The following ARHGAP10 variants were observed in gnomAD, a reference collection of about 807,000 sequenced individuals.
The protein encoded by ARHGAP10 is Rho GTPase activating protein 10, also known as rho GTPase-activating protein 10.
A neutral mutation model predicts 108.6 loss-of-function variants in ARHGAP10; 87 were observed. The ratio of observed to expected loss-of-function variants is 0.80; its 90% CI spans 0.67 to 0.96. The LOEUF (loss-of-function observed/expected upper bound fraction) is 0.96, where lower values mean the gene tolerates loss of function less well. Among genes scored for constraint, ARHGAP10 ranks in the 40% least tolerant of loss-of-function variants. The pLI is 0.00. For missense variants in ARHGAP10, 939 were observed against 954.5 expected (o/e 0.98, Z 0.21); for synonymous variants, 347 against 341.1 (o/e 1.02, Z -0.19).
In ARHGAP10 at chr4:147,866,798, A is replaced by G; in HGVS notation, c.684A>G (p.Leu228=). 6.2e-7 allele frequency: 1 copy of G among 1,609,844 alleles called. No individual in the cohort carries two copies. Among genetic ancestry groups the G allele is most frequent in the Non-Finnish European group, 8.5e-7 (1 of 1,176,262 alleles). The change falls in exon 7 of 23, where the codon CTA becomes CTG. Residue 228 remains leucine (L), a synonymous_variant. Coordinates refer to ENST00000336498, the MANE Select transcript of ARHGAP10 (RefSeq NM_024605.4). ...ACTTCAATCACTACAAAATGGAACTACAGATCAACATTCAGAATGTAAGGA... is the reference window on the plus strand; with the variant it reads ...ACTTCAATCACTACAAAATGGAACTGCAGATCAACATTCAGAATGTAAGGA... ...AKDFNHYKME[L]QINIQNTRNR...
chr4:147,971,085 C>A (rs1411546616), intron 18 of ARHGAP10, among the ~76,000 whole-genome samples: 1 of 129,054 alleles, frequency 7.7e-6, no homozygotes, highest in Non-Finnish European at 1.6e-5. Context: ...AAGAGCGAGA[C>A]TCTGTCTCAA....
intron 18 of ARHGAP10, among the ~76,000 whole-genome samples, chr4:148,019,578 C>A (rs989259284): frequency 2.0e-5 from 3 of 151,916 alleles, no homozygotes; most frequent in African/African-American, 7.3e-5. Context: ...GGTGAAACCC[C>A]ATCTCTACTA....
intron 10 of ARHGAP10, among the ~76,000 whole-genome samples, chr4:147,889,989 T>A (rs539163852): frequency 6.6e-6 from 1 of 152,332 alleles, no homozygotes; most frequent in African/African-American, 2.4e-5. Context: ...ATAGTTTACT[T>A]TTATCAGTCA....
intron 7 of ARHGAP10, among the ~76,000 whole-genome samples, chr4:147,870,928 C>CTGTG (rs57348496): frequency 0.036 from 4,991 of 138,870 alleles, 149 homozygotes; most frequent in African/African-American, 0.088. Context: ...AAACTACAGA[C>CTGTG]TGTGTGTGTG....
At chr4:147,762,455 CAA>C (rs1357548224) in intron 1 of ARHGAP10, among the ~76,000 whole-genome samples, 13 of 152,006 alleles carry the variant, frequency 8.6e-5, no homozygotes, top group African/African-American at 2.7e-4. Context: ...AAAAGGAAAA[CAA>C]GAGTTGATTG....
intron 7 of ARHGAP10, among the ~76,000 whole-genome samples, chr4:147,867,587 C>G (rs61479941): frequency 6.6e-6 from 1 of 151,940 alleles, no homozygotes; most frequent in East Asian, 1.9e-4. Context: ...GAGAGTGGGC[C>G]GGGCACAGTG....
chr4:148,060,344 AGTTTTTTTT>A (rs1227617899), intron 20 of ARHGAP10, among the ~76,000 whole-genome samples: 3 of 120,844 alleles, frequency 2.5e-5, no homozygotes, highest in African/African-American at 9.1e-5. Context: ...GCTCATGTTT[AGTTTTTTTT>A]TTTTTTTTTT....
At chr4:147,818,695 A>G (rs546126111) in intron 1 of ARHGAP10, among the ~76,000 whole-genome samples, 1 of 152,272 alleles carries the variant, frequency 6.6e-6, no homozygotes, top group Non-Finnish European at 1.5e-5. Flanking sequence ...TTTATGTGCA[A>G]TGATATTGGA....
At chr4:148,068,353 C>T (rs7694397) in intron 22 of ARHGAP10, among the ~76,000 whole-genome samples, 84,635 of 151,936 alleles carry the variant, frequency 0.56, 24,554 homozygotes, top group East Asian at 0.83. Flanking sequence ...AAGCCTCTGG[C>T]GATTAAACTT....
chr4:147,916,920 C>A (rs1043307314), intron 13 of ARHGAP10: 1 of 152,102 alleles, frequency 6.6e-6, no homozygotes, highest in African/African-American at 2.4e-5. Flanking sequence ...TTTGCTTGCC[C>A]CTACATCTGC....
intron 18 of ARHGAP10, among the ~76,000 whole-genome samples, chr4:148,017,672 ATATATAT>A (rs1231526100): frequency 6.9e-5 from 9 of 131,164 alleles, no homozygotes; most frequent in East Asian, 2.2e-4. Context: ...ATATATATAT[ATATATAT>A]ATATGTGTGT....
At chr4:147,871,291 C>T (rs749639206) in intron 7 of ARHGAP10, among the ~76,000 whole-genome samples, 1 of 152,060 alleles carries the variant, frequency 6.6e-6, no homozygotes, top group Non-Finnish European at 1.5e-5. Context: ...TAGAAATGGC[C>T]ACATCAAAAT....
At chr4:147,868,691 G>A (rs555066263) in intron 7 of ARHGAP10, among the ~76,000 whole-genome samples, 43 of 152,312 alleles carry the variant, frequency 2.8e-4, no homozygotes, top group African/African-American at 1.0e-3. Context: ...GTGGGAGAAG[G>A]TAGGGGATGG....
chr4:147,997,341 T>C (rs1337447619), intron 18 of ARHGAP10, among the ~76,000 whole-genome samples: 1 of 152,212 alleles, frequency 6.6e-6, no homozygotes, highest in Non-Finnish European at 1.5e-5. Flanking sequence ...AAAATTAATC[T>C]CTATAGAACT....
At chr4:148,057,255 C>T (rs2358182) in intron 20 of ARHGAP10, among the ~76,000 whole-genome samples, 74,452 of 152,042 alleles carry the variant, frequency 0.49, 21,351 homozygotes, top group East Asian at 0.83. Flanking sequence ...GAGTCTTAGG[C>T]ATTTGTAATT....
intron 13 of ARHGAP10, among the ~76,000 whole-genome samples, chr4:147,925,362 C>T (rs577411676): frequency 6.6e-6 from 1 of 152,322 alleles, no homozygotes; most frequent in Admixed American, 6.5e-5. Context: ...CCCATCTCTG[C>T]AGCAGAGGAA....
chr4:147,896,058 T>C (rs1735982814), intron 10 of ARHGAP10, among the ~76,000 whole-genome samples: 2 of 152,226 alleles, frequency 1.3e-5, no homozygotes, highest in Admixed American at 1.3e-4. Flanking sequence ...ATTTCTGAGA[T>C]TAAACTCTAC....
At chr4:147,871,106 C>T (rs180713537) in intron 7 of ARHGAP10, among the ~76,000 whole-genome samples, 223 of 152,096 alleles carry the variant, frequency 1.5e-3, no homozygotes, top group African/African-American at 4.9e-3. Context: ...ACTACAGGTG[C>T]CCGCCACCGT....
intron 1 of ARHGAP10, among the ~76,000 whole-genome samples, chr4:147,767,820 T>C (rs72953495): frequency 0.01 from 1,592 of 152,260 alleles, 23 homozygotes; most frequent in African/African-American, 0.035. Flanking sequence ...TGAAAATAAT[T>C]GTGATGGCAG....
Sources: allele counts gnomAD v4.1 joint callset (sites outside exome capture counted in the v4.1 genomes callset), GRCh38; gene constraint gnomAD v4.1.1; transcripts MANE v1.5; gene names NCBI Gene and HGNC (gene_info 2026-07-23, HGNC 2026-07-21).